Variants in CERS3 observed in about 807,000 individuals in gnomAD.
CERS3 encodes the protein LAG1 homolog, ceramide synthase 3.
Under a neutral mutation model 50.3 loss-of-function variants are expected in CERS3, and 33 were observed. The observed-to-expected ratio is 0.66, with a 90% CI of 0.50 to 0.88. CERS3 has a LOEUF of 0.88. Ranked by LOEUF, CERS3 falls within the 40% of genes least tolerant of loss-of-function variation. CERS3 has a pLI of 0.00. For synonymous variants in CERS3, 176 were observed against 155.2 expected (o/e 1.13, Z -0.99); for missense variants, 470 against 460.3 (o/e 1.02, Z -0.19).
intron 11 of CERS3, among the ~76,000 whole-genome samples, chr15:100,429,366 G>C (rs1385424879): frequency 6.6e-6 from 1 of 152,084 alleles, no homozygotes; most frequent in Non-Finnish European, 1.5e-5. Context: ...ATGTGGAAGG[G>C]GTATTACGTA....
intron 11 of CERS3, among the ~76,000 whole-genome samples, chr15:100,418,118 C>T (rs371293275): frequency 0.027 from 4,108 of 151,438 alleles, 77 homozygotes; most frequent in South Asian, 0.048. Flanking sequence ...AGGCTTCAGA[C>T]GATCAAATTA....
chr15:100,542,743 A>C (rs1025171728), intron 1 of CERS3, among the ~76,000 whole-genome samples: 4 of 152,220 alleles, frequency 2.6e-5, no homozygotes, highest in African/African-American at 9.7e-5. Flanking sequence ...CAATAAATAC[A>C]TGTTATATCA....
intron 11 of CERS3, among the ~76,000 whole-genome samples, chr15:100,454,531 C>A (rs143105185): frequency 6.6e-6 from 1 of 152,062 alleles, no homozygotes; most frequent in African/African-American, 2.4e-5. Flanking sequence ...ATCTCTGTCT[C>A]TCATCATATA....
chr15:100,404,607 A>G (rs572382232), intron 11 of CERS3, among the ~76,000 whole-genome samples: 95 of 152,362 alleles, frequency 6.2e-4, no homozygotes, highest in African/African-American at 2.1e-3. Flanking sequence ...AATTTTCTGT[A>G]GATGCAGACA....
At chr15:100,467,830 T>TTTAA (rs2034814880) in intron 10 of CERS3, among the ~76,000 whole-genome samples, 1 of 97,054 alleles carries the variant, frequency 1.0e-5, no homozygotes, top group Admixed American at 1.4e-4. Context: ...TGTGTATATA[T>TTTAA]ATACGTGTAT....
chr15:100,407,121 TG>T (rs2031102100), intron 11 of CERS3, among the ~76,000 whole-genome samples: 1 of 152,088 alleles, frequency 6.6e-6, no homozygotes, highest in Non-Finnish European at 1.5e-5. Flanking sequence ...GAGTTTTGGG[TG>T]GGGACACAGC....
At chr15:100,535,465 A>C (rs1447785971) in intron 1 of CERS3, among the ~76,000 whole-genome samples, 1 of 152,260 alleles carries the variant, frequency 6.6e-6, no homozygotes, top group Admixed American at 6.5e-5. Context: ...ACAAGCACAC[A>C]CTCACACAGA....
At chr15:100,461,658 C>T (rs1392398988) in intron 10 of CERS3, among the ~76,000 whole-genome samples, 1 of 152,202 alleles carries the variant, frequency 6.6e-6, no homozygotes, top group East Asian at 1.9e-4. Context: ...CTGCAGAGAA[C>T]TTACACCAGT....
upstream of CERS3, among the ~76,000 whole-genome samples, chr15:100,530,438 C>A (rs2036909827): frequency 6.6e-6 from 1 of 152,354 alleles, no homozygotes; most frequent in South Asian, 2.1e-4. Context: ...TGGGCCCTTG[C>A]CATGAGCTGC....
chr15:100,464,879 G>C (rs1313339755), intron 10 of CERS3, among the ~76,000 whole-genome samples: 1 of 152,108 alleles, frequency 6.6e-6, no homozygotes, highest in African/African-American at 2.4e-5. Context: ...GAAAACCAAC[G>C]TAACTAACTC....
chr15:100,514,361 G>C (rs750375142), intron 2 of CERS3, among the ~76,000 whole-genome samples: 2 of 152,084 alleles, frequency 1.3e-5, no homozygotes, highest in East Asian at 3.8e-4. Flanking sequence ...ATAATATTCA[G>C]TGCTAACTAC....
At chr15:100,488,438 C>A (rs889242528) in intron 4 of CERS3, among the ~76,000 whole-genome samples, 2 of 152,138 alleles carry the variant, frequency 1.3e-5, no homozygotes, top group African/African-American at 2.4e-5. Flanking sequence ...TGTTTTTCAT[C>A]CACCCAGCAA....
chr15:100,419,531 A>G (rs1301812784), intron 11 of CERS3, among the ~76,000 whole-genome samples: 15 of 138,794 alleles, frequency 1.1e-4, no homozygotes, highest in African/African-American at 4.1e-4. Context: ...AACGAGACAG[A>G]AAGTCAACAA....
intron 3 of CERS3, among the ~76,000 whole-genome samples, chr15:100,499,137 C>T (rs529023915): frequency 6.6e-6 from 1 of 152,206 alleles, no homozygotes; most frequent in South Asian, 2.1e-4. Context: ...AATTAAGTAA[C>T]AACAATAATA....
chr15:100,467,046 G>A (rs1369410613), intron 10 of CERS3, among the ~76,000 whole-genome samples: 1 of 151,770 alleles, frequency 6.6e-6, no homozygotes, highest in African/African-American at 2.4e-5. Context: ...AGTAGAGATG[G>A]GGTTTCACCA....
intron 3 of CERS3, among the ~76,000 whole-genome samples, chr15:100,499,964 A>T (rs929099390): frequency 6.6e-6 from 1 of 152,170 alleles, no homozygotes; most frequent in Non-Finnish European, 1.5e-5. Flanking sequence ...TCTCATTTCC[A>T]CACCTGCAGA....
chr15:100,469,467 A>G lies in CERS3; in HGVS notation c.756T>C (p.Ser252=), dbSNP rs768363478. 2.5e-6 allele frequency: 4 copies of G among 1,613,578 alleles called. No homozygotes were observed. Among genetic ancestry groups the G allele is most frequent in the East Asian group, 2.2e-5 (1 of 44,902 alleles). Reference sequence around the variant, plus strand: ...TACAGGTCTGCGTCCATCCAGCATAAGAAAACATCTTAGCAGACTGCAAAA... The same window carrying G: ...TACAGGTCTGCGTCCATCCAGCATAGGAAAACATCTTAGCAGACTGCAAAA... ...DIWLESAKMF[S]YAGWTQTCNT... The change falls in exon 10 of 12, where the codon TCT becomes TCC. Residue 252 remains serine, a synonymous_variant. Coordinates refer to ENST00000679737, the MANE Select transcript of CERS3 (RefSeq NM_001378789.1).
intron 10 of CERS3, 126 bp downstream of exon 10, chr15:100,469,252 C>T: frequency 1.5e-6 from 1 of 659,410 alleles, no homozygotes. Context: ...ATTCTTTTCT[C>T]CAACTGCACT....
In CERS3 at chr15:100,400,918, C is replaced by A. The variant is rs1317490380; in HGVS notation, c.*1795G>T. ...ATGCATATAATGCATATGATATTGT[C>A]CTCATAAAAGCAAATGTTATACAGA... On this transcript the variant is annotated 3_prime_UTR_variant, in exon 12 of 12. Coordinates refer to ENST00000679737, the MANE Select transcript of CERS3 (RefSeq NM_001378789.1). 6.6e-6 allele frequency: 1 copy of A among 151,902 alleles called. No individual in the cohort carries two copies. Among genetic ancestry groups the A allele is most frequent in the African/African-American group, 2.4e-5 (1 of 41,334 alleles). The allele number at this position is 151,902 out of a possible 1,614,324, so 9.4% of individuals were successfully genotyped here.
Sources: gnomAD v4.1 joint callset for allele counts (sites outside exome capture counted in the v4.1 genomes callset) on GRCh38, gnomAD v4.1.1 for gene constraint, MANE v1.5 for transcripts, NCBI Gene and HGNC (gene_info 2026-07-23, HGNC 2026-07-21) for gene names.